CNGA3: variants seen among roughly 807,000 people sequenced by gnomAD.
CNGA3 encodes the protein cyclic nucleotide gated channel subunit alpha 3.
CNGA3 carries 42 observed loss-of-function variants against 46.6 expected under a neutral mutation model. The ratio of observed to expected loss-of-function variants is 0.90; its 90% CI spans 0.70 to 1.17. The LOEUF (loss-of-function observed/expected upper bound fraction) is 1.17, where lower values mean the gene tolerates loss of function less well. Ranked by LOEUF, CNGA3 falls within the 50% of genes most tolerant of loss-of-function variation. The pLI is 0.00. For synonymous variants in CNGA3, 394 were observed against 369.4 expected, an observed-to-expected ratio of 1.07 and a Z score of -0.76; for missense variants, 893 against 890.7, an observed-to-expected ratio of 1.00 and a Z score of -0.03.
chr2:98,397,673 T>G lies in CNGA3; in HGVS notation c.*418T>G, dbSNP rs886056491. The G allele has an allele frequency of 3.7e-6, 1 of 273,892 alleles. No individual in the cohort carries two copies. The highest frequency in any genetic ancestry group is 7.0e-6 in the Non-Finnish European group (1 of 142,330). 17.0% of individuals were successfully genotyped at this position (273,892 alleles called of 1,614,324 possible). A position where few individuals can be genotyped will look rare whatever the true frequency, so the allele number is the denominator to read the frequency against. ...AACTTCACCACCACCTGATAATGGG[T>G]ATATAACAGGAAGCTGAAGGTACAA... On this transcript the variant is annotated 3_prime_UTR_variant, in exon 8 of 8. Coordinates refer to ENST00000272602, the MANE Select transcript of CNGA3 (RefSeq NM_001298.3).
At chr2:98,368,637 A>T (rs1692216966) in intron 1 of CNGA3, among the ~76,000 whole-genome samples, 1 of 152,246 alleles carries the variant, frequency 6.6e-6, no homozygotes, top group African/African-American at 2.4e-5. Context: ...CAACTTATCA[A>T]GACAGGGGAA....
In CNGA3 at chr2:98,376,874, C is replaced by T. The variant is rs576217606; in HGVS notation, c.102-813C>T. Among the ~76,000 whole-genome samples, 53 of 152,320 alleles carry T rather than the reference C, an allele frequency of 3.5e-4. 1 individual carries two copies. The South Asian group carries it at 9.7e-3, about 28-fold the overall frequency. On this transcript the variant is annotated intron_variant, in intron 2 of 7. Coordinates refer to ENST00000272602, the MANE Select transcript of CNGA3 (RefSeq NM_001298.3). ...TAAAAGAAAGGAAAATATTCCCAGA[C>T]GCATTCCTAGTCTTATTCCAGGCAA...
At chr2:98,353,150 T>C (rs1248204687) in intron 1 of CNGA3, among the ~76,000 whole-genome samples, 2 of 152,140 alleles carry the variant, frequency 1.3e-5, no homozygotes, top group African/African-American at 2.4e-5. Context: ...ATCTCCAAAA[T>C]TTTTTCCAAT....
chr2:98,379,119 T>C (rs3769750), intron 3 of CNGA3, among the ~76,000 whole-genome samples: 1 of 152,182 alleles, frequency 6.6e-6, no homozygotes, highest in East Asian at 1.9e-4. Flanking sequence ...AAGTGTGTGG[T>C]TACAGGAATT....
intron 1 of CNGA3, among the ~76,000 whole-genome samples, chr2:98,367,441 G>A (rs986887506): frequency 6.6e-6 from 1 of 151,968 alleles, no homozygotes; most frequent in Non-Finnish European, 1.5e-5. Flanking sequence ...TGATCCAGCC[G>A]CTTCGGCCTC....
chr2:98,347,428 C>T (rs561251996), intron 1 of CNGA3, among the ~76,000 whole-genome samples: 56 of 152,314 alleles, frequency 3.7e-4, no homozygotes, highest in Non-Finnish European at 6.0e-4. Context: ...CCTTGGCGCG[C>T]AGGCCCTCGC....
At chr2:98,350,592 C>G (rs1398992557) in intron 1 of CNGA3, among the ~76,000 whole-genome samples, 1 of 152,132 alleles carries the variant, frequency 6.6e-6, no homozygotes, top group East Asian at 1.9e-4. Flanking sequence ...TGAGCACACT[C>G]AGAGCTGAGG....
chr2:98,381,824 G>A (rs1006800330), intron 4 of CNGA3, among the ~76,000 whole-genome samples: 3 of 152,044 alleles, frequency 2.0e-5, no homozygotes, highest in Admixed American at 2.0e-4. Context: ...TATCCTCGAG[G>A]GACACCATGA....
chr2:98,367,477 AGCTACCCC>A (rs1692190387), intron 1 of CNGA3, among the ~76,000 whole-genome samples: 1 of 152,052 alleles, frequency 6.6e-6, no homozygotes, highest in African/African-American at 2.4e-5. Context: ...TACGGGCGTG[AGCTACCCC>A]GCCCGGCTGA....
At chr2:98,390,581 G>C (rs1574386141) in intron 6 of CNGA3, among the ~76,000 whole-genome samples, 1 of 152,178 alleles carries the variant, frequency 6.6e-6, no homozygotes, top group South Asian at 2.1e-4. Flanking sequence ...AGGCCTCCAG[G>C]GTGGGGCCAC....
At chr2:98,367,921 G>A (rs970644692) in intron 1 of CNGA3, among the ~76,000 whole-genome samples, 2 of 152,118 alleles carry the variant, frequency 1.3e-5, no homozygotes, top group African/African-American at 4.8e-5. Flanking sequence ...CATTCCTACT[G>A]GGCTTTAGGG....
intron 1 of CNGA3, among the ~76,000 whole-genome samples, chr2:98,349,897 G>A (rs887518480): frequency 2.0e-5 from 3 of 152,194 alleles, no homozygotes; most frequent in African/African-American, 7.2e-5. Context: ...GGCTCTGGGT[G>A]TTGCTCATGG....
intron 1 of CNGA3, among the ~76,000 whole-genome samples, chr2:98,351,704 G>A (rs1384310857): frequency 2.0e-5 from 3 of 152,124 alleles, no homozygotes; most frequent in Non-Finnish European, 4.4e-5. Flanking sequence ...CTGGTATAAT[G>A]TAAGCCCTCA....
chr2:98,381,572 G>A (rs983755762), intron 4 of CNGA3, among the ~76,000 whole-genome samples: 23 of 152,180 alleles, frequency 1.5e-4, no homozygotes, highest in Non-Finnish European at 2.4e-4. Flanking sequence ...GATGGCGAAC[G>A]GCACGGGCAT....
At chr2:98,395,451 T>C (rs1183924080) in intron 7 of CNGA3, among the ~76,000 whole-genome samples, 1 of 152,250 alleles carries the variant, frequency 6.6e-6, no homozygotes, top group East Asian at 1.9e-4. Context: ...ATTATAGGCA[T>C]GAGCCACGGC....
chr2:98,372,899 A>C (rs1023699901), intron 2 of CNGA3, among the ~76,000 whole-genome samples: 1 of 151,968 alleles, frequency 6.6e-6, no homozygotes, highest in African/African-American at 2.4e-5. Flanking sequence ...ACTGAACTCC[A>C]CTCAGGTCTC....
At chr2:98,354,314 A>G (rs1288525091) in intron 1 of CNGA3, among the ~76,000 whole-genome samples, 4 of 152,118 alleles carry the variant, frequency 2.6e-5, no homozygotes, top group Non-Finnish European at 5.9e-5. Flanking sequence ...AACTGTAGTA[A>G]GTCATTGTGC....
intron 1 of CNGA3, among the ~76,000 whole-genome samples, chr2:98,367,157 G>T (rs1692172904): frequency 7.0e-6 from 1 of 142,884 alleles, no homozygotes; most frequent in Non-Finnish European, 1.5e-5. Context: ...GAGAACCTCT[G>T]ACATCAGCTG....
intron 1 of CNGA3, among the ~76,000 whole-genome samples, chr2:98,361,897 C>T (rs999361121): frequency 6.6e-6 from 1 of 151,658 alleles, no homozygotes; most frequent in Admixed American, 6.6e-5. Flanking sequence ...TTAGTAGAGA[C>T]AGGGTTTCAC....
Sources: gnomAD v4.1 joint callset for allele counts (sites outside exome capture counted in the v4.1 genomes callset) on GRCh38, gnomAD v4.1.1 for gene constraint, MANE v1.5 for transcripts, NCBI Gene and HGNC (gene_info 2026-07-23, HGNC 2026-07-21) for gene names.